The following DOK6 variants were observed in gnomAD, a reference collection of about 807,000 sequenced individuals.
DOK6 encodes downstream of tyrosine kinase 6.
A neutral mutation model predicts 44.0 loss-of-function variants in DOK6; 22 were observed. That is an observed-to-expected ratio of 0.50 (90% CI 0.36 to 0.71). The LOEUF is 0.71. DOK6 is among the 30% of genes least tolerant of loss of function. DOK6 has a pLI of 0.00. For synonymous variants in DOK6, 166 were observed against 145.5 expected (o/e 1.14, Z -1.01); for missense variants, 340 against 416.4 (o/e 0.82, Z 1.60).
rs1555670147 is a variant in DOK6, at chr18:69,774,133, G to GAGATATATATATATATATATATATAT, written c.856+16261_856+16262insGATATATATATATATATATATATATA. On this transcript the variant is annotated intron_variant, in intron 7 of 7. Transcript: ENST00000382713. Reference sequence around the variant, plus strand: ...TAGATTTATATAGATATATATATGAGATATATATATATATATATATATAAT... The same window carrying GAGATATATATATATATATATATATAT: ...TAGATTTATATAGATATATATATGAGAGATATATATATATATATATATATATATATATATATATATATATATATAAT... 1.0e-3 allele frequency among the ~76,000 whole-genome samples: 70 copies of GAGATATATATATATATATATATATAT among 66,880 alleles called. 1 individual carries two copies. The Admixed American group carries it at 0.011, about 10-fold the overall frequency. The allele number at this position is 66,880 out of a possible 152,430, so 43.9% of individuals were successfully genotyped here. A position where few individuals can be genotyped will look rare whatever the true frequency, so the allele number is the denominator to read the frequency against.
At chr18:69,791,460 A>G (rs79015889) in intron 7 of DOK6, among the ~76,000 whole-genome samples, 2,633 of 152,268 alleles carry the variant, frequency 0.017, 68 homozygotes, top group African/African-American at 0.059. Context: ...CTGGAGTGGG[A>G]TGATACCTCA....
intron 7 of DOK6, among the ~76,000 whole-genome samples, chr18:69,800,182 T>C (rs1262532203): frequency 6.6e-6 from 1 of 152,084 alleles, no homozygotes; most frequent in African/African-American, 2.4e-5. Context: ...GCCACTAATC[T>C]ATGGATTTAC....
chr18:69,515,302 A>T lies in DOK6; in HGVS notation c.67-49185A>T, dbSNP rs140897991. Reference sequence around the variant, plus strand: ...TATGTTTGTGGGAGATAACCTTTCTAATGCATATGAAAGGAATTATAAATA... The same window carrying T: ...TATGTTTGTGGGAGATAACCTTTCTTATGCATATGAAAGGAATTATAAATA... On this transcript the variant is annotated intron_variant, in intron 1 of 7. Coordinates refer to ENST00000382713, the MANE Select transcript of DOK6 (RefSeq NM_152721.6). 1.3e-3 allele frequency among the ~76,000 whole-genome samples: 192 copies of T among 152,316 alleles called. 1 individual carries two copies. The highest frequency in any genetic ancestry group is 4.3e-3 in the African/African-American group (178 of 41,580).
At chr18:69,470,004 C>T (rs527448517) in intron 1 of DOK6, 98 of 168,310 alleles carry the variant, frequency 5.8e-4, no homozygotes, top group Admixed American at 1.3e-3. Context: ...CCAGCCTTAG[C>T]GCGCACCGAC....
intron 3 of DOK6, among the ~76,000 whole-genome samples, chr18:69,653,357 G>T (rs985422379): frequency 1.3e-5 from 2 of 151,746 alleles, no homozygotes; most frequent in African/African-American, 4.8e-5. Context: ...AGGCAGCCAG[G>T]ACTTGGGGAG....
In DOK6 at chr18:69,848,141, C is replaced by T. The variant is rs1982392434; in HGVS notation, c.*6758C>T. 6.6e-6 allele frequency: 1 copy of T among 151,980 alleles called. No individual in the cohort carries two copies. Among genetic ancestry groups the T allele is most frequent in the African/African-American group, 2.4e-5 (1 of 41,348 alleles). The allele number at this position is 151,980 out of a possible 1,614,324, so 9.4% of individuals were successfully genotyped here. On this transcript the variant is annotated 3_prime_UTR_variant, in exon 8 of 8. Coordinates refer to ENST00000382713, the MANE Select transcript of DOK6 (RefSeq NM_152721.6). ...ATAGATTCACACAGAATTACCCCATCCTGCAAAATCCTTATCCCTATGAAT... is the reference window on the plus strand; with the variant it reads ...ATAGATTCACACAGAATTACCCCATTCTGCAAAATCCTTATCCCTATGAAT...
intron 5 of DOK6, among the ~76,000 whole-genome samples, chr18:69,723,961 A>G (rs1599287279): frequency 6.6e-6 from 1 of 152,210 alleles, no homozygotes; most frequent in Non-Finnish European, 1.5e-5. Flanking sequence ...TGTGCATCCT[A>G]GTGCACCGCA....
intron 1 of DOK6, among the ~76,000 whole-genome samples, chr18:69,509,275 T>C (rs568784927): frequency 6.6e-6 from 1 of 152,322 alleles, no homozygotes; most frequent in South Asian, 2.1e-4. Context: ...ACCTCATTTA[T>C]ATATGAAATT....
At chr18:69,634,216 C>A (rs1427725790) in intron 3 of DOK6, among the ~76,000 whole-genome samples, 2 of 152,062 alleles carry the variant, frequency 1.3e-5, no homozygotes, top group African/African-American at 4.8e-5. Context: ...AGTTAGATAC[C>A]TAGGATTATC....
intron 3 of DOK6, among the ~76,000 whole-genome samples, chr18:69,601,787 G>GTAGA (rs1983878992): frequency 6.6e-6 from 1 of 152,154 alleles, no homozygotes; most frequent in Non-Finnish European, 1.5e-5. Context: ...TGGAGAAATG[G>GTAGA]TAGATTCTAG....
At chr18:69,486,503 T>C (rs958781851) in intron 1 of DOK6, among the ~76,000 whole-genome samples, 22 of 152,334 alleles carry the variant, frequency 1.4e-4, no homozygotes, top group African/African-American at 5.1e-4. Flanking sequence ...ACAATAAATC[T>C]GCCATCCAGA....
intron 2 of DOK6, among the ~76,000 whole-genome samples, chr18:69,573,266 T>A (rs1005469115): frequency 6.6e-6 from 1 of 151,678 alleles, no homozygotes; most frequent in Non-Finnish European, 1.5e-5. Flanking sequence ...TGTGTGAAAA[T>A]GAAGCGGCAA....
intron 1 of DOK6, among the ~76,000 whole-genome samples, chr18:69,468,015 A>G (rs561934010): frequency 1.3e-5 from 2 of 152,272 alleles, no homozygotes; most frequent in South Asian, 2.1e-4. Flanking sequence ...TGAAGTTATT[A>G]TATTTTCAAA....
At chr18:69,546,455 C>T (rs914597341) in intron 1 of DOK6, among the ~76,000 whole-genome samples, 1 of 151,542 alleles carries the variant, frequency 6.6e-6, no homozygotes, top group Non-Finnish European at 1.5e-5. Context: ...ATTCCATAAC[C>T]AGGAATGGCT....
intron 4 of DOK6, 89 bp from the exon 5 acceptor site, chr18:69,698,315 A>T: frequency 1.7e-6 from 2 of 1,190,038 alleles, no homozygotes; most frequent in Non-Finnish European, 2.3e-6. Context: ...TGTTTCCTGC[A>T]GTCTGTAGAT....
intron 1 of DOK6, among the ~76,000 whole-genome samples, chr18:69,429,178 T>C (rs1241766269): frequency 6.6e-6 from 1 of 152,188 alleles, no homozygotes; most frequent in East Asian, 1.9e-4. Flanking sequence ...TTTGTTGTAA[T>C]ATATGCTTCA....
intron 2 of DOK6, among the ~76,000 whole-genome samples, chr18:69,597,409 G>A (rs542009302): frequency 2.0e-5 from 3 of 152,168 alleles, no homozygotes; most frequent in East Asian, 1.9e-4. Flanking sequence ...ATATTACCTC[G>A]TTTTATTGTT....
At chr18:69,547,949 AT>A (rs1982450923) in intron 1 of DOK6, among the ~76,000 whole-genome samples, 1 of 138,464 alleles carries the variant, frequency 7.2e-6, no homozygotes, top group Non-Finnish European at 1.6e-5. Context: ...TATAATATAT[AT>A]AAAATATATA....
intron 7 of DOK6, among the ~76,000 whole-genome samples, chr18:69,814,819 C>T (rs1256119835): frequency 1.3e-5 from 2 of 152,058 alleles, no homozygotes; most frequent in African/African-American, 4.8e-5. Flanking sequence ...CACTTTCCAC[C>T]AGGACCCTCC....
Sources: allele counts gnomAD v4.1 joint callset (sites outside exome capture counted in the v4.1 genomes callset), GRCh38; gene constraint gnomAD v4.1.1; transcripts MANE v1.5; gene names NCBI Gene and HGNC (gene_info 2026-07-23, HGNC 2026-07-21).